FHIT: variants seen among roughly 807,000 people sequenced by gnomAD.
FHIT encodes bis(5'-adenosyl)-triphosphatase.
FHIT carries 19 observed loss-of-function variants against 17.9 expected under a neutral mutation model. That is an observed-to-expected ratio of 1.06 (90% CI 0.74 to 1.56). The LOEUF (loss-of-function observed/expected upper bound fraction) is 1.56. Ranked by LOEUF, FHIT falls within the 40% of genes most tolerant of loss-of-function variation. The pLI, the probability that FHIT is intolerant of heterozygous loss-of-function variation, is 0.00. For missense variants in FHIT, 248 were observed against 189.2 expected (o/e 1.31, Z -1.82); for synonymous variants, 81 against 69.7 (o/e 1.16, Z -0.81).
intron 5 of FHIT, among the ~76,000 whole-genome samples, chr3:60,256,980 A>C (rs1406005651): frequency 1.3e-5 from 2 of 152,192 alleles, no homozygotes; most frequent in Non-Finnish European, 2.9e-5. Flanking sequence ...AGTAATGCAA[A>C]ATATTAAGAC....
At chr3:60,585,647 TAACATTTC>T (rs537905760) in intron 4 of FHIT, among the ~76,000 whole-genome samples, 61 of 152,150 alleles carry the variant, frequency 4.0e-4, no homozygotes, top group Non-Finnish European at 7.9e-4. Flanking sequence ...AACATAAAGT[TAACATTTC>T]ACTATGTAAA....
intron 5 of FHIT, among the ~76,000 whole-genome samples, chr3:60,110,750 A>G (rs1215029418): frequency 6.6e-6 from 1 of 152,254 alleles, no homozygotes; most frequent in African/African-American, 2.4e-5. Context: ...ATTACCATTA[A>G]GGTTGAGACC....
At chr3:60,852,654 T>C (rs906789879) in intron 3 of FHIT, among the ~76,000 whole-genome samples, 127 of 152,124 alleles carry the variant, frequency 8.3e-4, no homozygotes, top group African/African-American at 3.0e-3. Flanking sequence ...TAAAATTTAA[T>C]GTATCAAGAA....
At chr3:60,205,494 A>T (rs954001036) in intron 5 of FHIT, among the ~76,000 whole-genome samples, 5 of 152,222 alleles carry the variant, frequency 3.3e-5, no homozygotes, top group Non-Finnish European at 7.3e-5. Context: ...ATCACCAGAA[A>T]TGATGAGCCA....
At chr3:61,096,666 G>A (rs987738746) in intron 2 of FHIT, among the ~76,000 whole-genome samples, 1 of 152,132 alleles carries the variant, frequency 6.6e-6, no homozygotes, top group Non-Finnish European at 1.5e-5. Flanking sequence ...GCTTTATTCT[G>A]GTACAGCCAC....
At chr3:60,798,684 G>A (rs1441431879) in intron 4 of FHIT, among the ~76,000 whole-genome samples, 1 of 150,218 alleles carries the variant, frequency 6.7e-6, no homozygotes, top group East Asian at 2.0e-4. Context: ...AAATTCTAGT[G>A]CACATCCATT....
chr3:60,842,939 T>G lies in FHIT; in HGVS notation c.-110-20928A>C, dbSNP rs9823985. ...AGTACTTAGGGTTCCCCACTATTCT[T>G]ATCTCCAGACTGGTCAAATCTACCA... On this transcript the variant is annotated intron_variant, in intron 3 of 9. Coordinates refer to ENST00000492590, the MANE Select transcript of FHIT (RefSeq NM_002012.4). 5.8e-3 allele frequency among the ~76,000 whole-genome samples: 883 copies of G among 152,196 alleles called. 9 individuals carry two copies. The highest frequency in any genetic ancestry group is 0.024 in the Middle Eastern group (7 of 294).
At chr3:59,826,598 A>G (rs1041292584) in intron 8 of FHIT, among the ~76,000 whole-genome samples, 1 of 152,178 alleles carries the variant, frequency 6.6e-6, no homozygotes, top group African/African-American at 2.4e-5. Flanking sequence ...TCAATACTCA[A>G]GAGTGTTTCT....
At chr3:59,977,502 G>A (rs994161402) in intron 7 of FHIT, among the ~76,000 whole-genome samples, 2 of 152,166 alleles carry the variant, frequency 1.3e-5, no homozygotes, top group African/African-American at 4.8e-5. Context: ...AAAGGGTAAT[G>A]AGAAATAAAC....
chr3:61,101,968 G>A (rs2035845184), intron 2 of FHIT, among the ~76,000 whole-genome samples: 1 of 152,140 alleles, frequency 6.6e-6, no homozygotes, highest in Non-Finnish European at 1.5e-5. Context: ...AGACAATGGG[G>A]TTTTCTAAAC....
intron 4 of FHIT, among the ~76,000 whole-genome samples, chr3:60,762,710 T>C (rs1423169861): frequency 3.9e-5 from 6 of 152,184 alleles, no homozygotes; most frequent in Non-Finnish European, 7.3e-5. Context: ...CAGTAGACTT[T>C]GAGTAAAACA....
At chr3:61,030,216 C>G (rs1395653045) in intron 3 of FHIT, among the ~76,000 whole-genome samples, 6 of 152,150 alleles carry the variant, frequency 3.9e-5, no homozygotes, top group African/African-American at 1.4e-4. Flanking sequence ...GCCATCCACC[C>G]ACCTCAGCCT....
chr3:60,819,381 G>A (rs781998984), intron 4 of FHIT, among the ~76,000 whole-genome samples: 8 of 152,102 alleles, frequency 5.3e-5, no homozygotes, highest in African/African-American at 1.4e-4. Context: ...TTAGACTGGT[G>A]GCATTTAATC....
At chr3:59,984,004 G>A (rs1008010781) in intron 7 of FHIT, among the ~76,000 whole-genome samples, 8 of 152,072 alleles carry the variant, frequency 5.3e-5, no homozygotes, top group Admixed American at 2.0e-4. Flanking sequence ...AATTGTATTC[G>A]AATTCCTAGA....
intron 8 of FHIT, among the ~76,000 whole-genome samples, chr3:59,888,143 G>A (rs1034226774): frequency 2.0e-5 from 3 of 152,140 alleles, no homozygotes; most frequent in Non-Finnish European, 2.9e-5. Context: ...AGAAAGGAAG[G>A]AGTATGCTTT....
intron 5 of FHIT, among the ~76,000 whole-genome samples, chr3:60,238,650 T>G (rs1459057424): frequency 6.6e-6 from 1 of 152,100 alleles, no homozygotes; most frequent in African/African-American, 2.4e-5. Flanking sequence ...ATCGATTCAT[T>G]TTTCAAACCC....
intron 5 of FHIT, among the ~76,000 whole-genome samples, chr3:60,318,978 G>A (rs1003721009): frequency 5.3e-5 from 8 of 152,038 alleles, no homozygotes; most frequent in African/African-American, 1.9e-4. Flanking sequence ...TCCAGTTTCC[G>A]CCTCTGTTGT....
chr3:60,895,018 T>C (rs1705719662), intron 3 of FHIT, among the ~76,000 whole-genome samples: 1 of 152,210 alleles, frequency 6.6e-6, no homozygotes, highest in South Asian at 2.1e-4. Context: ...ATATTTACTT[T>C]TCTTCAATCC....
intron 8 of FHIT, among the ~76,000 whole-genome samples, chr3:59,777,795 C>T (rs994345416): frequency 6.6e-6 from 1 of 152,156 alleles, no homozygotes; most frequent in Non-Finnish European, 1.5e-5. Context: ...TCCGGGCACA[C>T]TGGCCTCCCT....
Sources: gnomAD v4.1 joint callset for allele counts (sites outside exome capture counted in the v4.1 genomes callset) on GRCh38, gnomAD v4.1.1 for gene constraint, MANE v1.5 for transcripts, NCBI Gene and HGNC (gene_info 2026-07-23, HGNC 2026-07-21) for gene names.